Variants in AGTPBP1 observed in about 807,000 individuals in gnomAD.
AGTPBP1 encodes cytosolic carboxypeptidase 1.
AGTPBP1 carries 70 observed loss-of-function variants against 143.9 expected under a neutral mutation model. The ratio of observed to expected loss-of-function variants is 0.49; its 90% CI spans 0.40 to 0.59. The LOEUF (loss-of-function observed/expected upper bound fraction) is 0.59. Among genes scored for constraint, AGTPBP1 ranks in the 20% least tolerant of loss-of-function variants. AGTPBP1 has a pLI of 0.00. For synonymous variants in AGTPBP1, 463 were observed against 500.2 expected (o/e 0.93, Z 0.99); for missense variants, 1,229 against 1,464.5 (o/e 0.84, Z 2.62).
At chr9:85,601,714 T>G (rs1829684315) in intron 17 of AGTPBP1, among the ~76,000 whole-genome samples, 1 of 152,196 alleles carries the variant, frequency 6.6e-6, no homozygotes. Flanking sequence ...TGCCAGCATC[T>G]GAGAAAGTTG....
chr9:85,607,072 C>G (rs1283491001), intron 17 of AGTPBP1, among the ~76,000 whole-genome samples: 1 of 151,932 alleles, frequency 6.6e-6, no homozygotes, highest in East Asian at 1.9e-4. Context: ...TCCTAACATA[C>G]AGAAATGATA....
chr9:85,720,484 A>G (rs1838031174), intron 1 of AGTPBP1, among the ~76,000 whole-genome samples: 1 of 152,076 alleles, frequency 6.6e-6, no homozygotes, highest in African/African-American at 2.4e-5. Context: ...GGTAGCTTGT[A>G]TTTCTGTGGT....
intron 25 of AGTPBP1, among the ~76,000 whole-genome samples, chr9:85,562,409 A>G (rs975984419): frequency 2.6e-5 from 4 of 152,230 alleles, no homozygotes; most frequent in African/African-American, 9.6e-5. Flanking sequence ...GCTAAAAACA[A>G]ATACTAAACA....
At chr9:85,583,555 T>C (rs909298098) in intron 23 of AGTPBP1, among the ~76,000 whole-genome samples, 3 of 152,194 alleles carry the variant, frequency 2.0e-5, no homozygotes, top group Non-Finnish European at 2.9e-5. Flanking sequence ...TAAAGCATCA[T>C]CTTACATTTC....
intron 6 of AGTPBP1, among the ~76,000 whole-genome samples, chr9:85,672,923 C>T (rs1834581596): frequency 6.6e-6 from 1 of 151,672 alleles, no homozygotes; most frequent in South Asian, 2.1e-4. Flanking sequence ...TTAGTGGAGA[C>T]GGGCTTTCGC....
intron 2 of AGTPBP1, among the ~76,000 whole-genome samples, chr9:85,699,554 G>A (rs1480916605): frequency 6.6e-6 from 1 of 150,784 alleles, no homozygotes; most frequent in Non-Finnish European, 1.5e-5. Context: ...ATCAAATGCA[G>A]GCAATAAAGA....
chr9:85,570,039 CCT>C (rs1450725332), intron 25 of AGTPBP1, among the ~76,000 whole-genome samples: 1 of 152,110 alleles, frequency 6.6e-6, no homozygotes, highest in Non-Finnish European at 1.5e-5. Context: ...GACCAAGACC[CCT>C]CTGTTCATGC....
At chr9:85,737,599 A>G (rs962389839) in intron 1 of AGTPBP1, among the ~76,000 whole-genome samples, 1 of 152,246 alleles carries the variant, frequency 6.6e-6, no homozygotes, top group African/African-American at 2.4e-5. Context: ...TTAATATTGC[A>G]TGATGAAAGA....
At chr9:85,637,771 G>A (rs1012957522) in intron 13 of AGTPBP1, among the ~76,000 whole-genome samples, 2 of 152,186 alleles carry the variant, frequency 1.3e-5, no homozygotes, top group African/African-American at 4.8e-5. Flanking sequence ...GAACTTAAGT[G>A]AAACTTACTG....
chr9:85,744,848 C>T (rs181433523), upstream of AGTPBP1, among the ~76,000 whole-genome samples: 12 of 152,336 alleles, frequency 7.9e-5, no homozygotes, highest in Middle Eastern at 3.4e-3. Flanking sequence ...AGCTGGCTGA[C>T]GCCTTTCAAT....
At chr9:85,694,436 T>G (rs1836098719) in intron 2 of AGTPBP1, among the ~76,000 whole-genome samples, 1 of 152,186 alleles carries the variant, frequency 6.6e-6, no homozygotes, top group Non-Finnish European at 1.5e-5. Flanking sequence ...GACTGTTCAC[T>G]TTTCAAACCA....
At chr9:85,690,764 A>T (rs568463762) in intron 3 of AGTPBP1, among the ~76,000 whole-genome samples, 11 of 151,020 alleles carry the variant, frequency 7.3e-5, no homozygotes, top group Non-Finnish European at 1.0e-4. Context: ...CAGTGGTGGG[A>T]AGAGGGTCAT....
intron 2 of AGTPBP1, among the ~76,000 whole-genome samples, chr9:85,693,856 A>G (rs1259967472): frequency 6.6e-6 from 1 of 152,166 alleles, no homozygotes; most frequent in African/African-American, 2.4e-5. Context: ...CTGAGAAGGT[A>G]CCATTTAAGA....
the AGTPBP1 span, among the ~76,000 whole-genome samples, chr9:85,761,436 A>G: frequency 1.3e-5 from 2 of 152,198 alleles, no homozygotes; most frequent in South Asian, 2.1e-4. Context: ...ATATAGACCA[A>G]TGGAACAGAG....
rs1426081071 is a variant in AGTPBP1, at chr9:85,688,026, G to C, written c.157+4663C>G. 1.3e-4 allele frequency among the ~76,000 whole-genome samples: 18 copies of C among 142,328 alleles called. No homozygotes were observed. The Admixed American group carries it at 1.3e-3, about 10-fold the overall frequency. The allele number at this position is 142,328 out of a possible 152,430, so 93.4% of individuals were successfully genotyped here. A position where few individuals can be genotyped will look rare whatever the true frequency, so the allele number is the denominator to read the frequency against. ...AATCACTTGAACCCAGGAGGCAGAG[G>C]TTGCAGTGAGCCGAGATCACACCAT... On this transcript the variant is annotated intron_variant, in intron 3 of 25. Coordinates refer to ENST00000357081, the MANE Select transcript of AGTPBP1 (RefSeq NM_001330701.2).
intron 7 of AGTPBP1, among the ~76,000 whole-genome samples, chr9:85,670,986 A>G (rs969649418): frequency 2.0e-5 from 3 of 152,074 alleles, no homozygotes; most frequent in Non-Finnish European, 4.4e-5. Context: ...GTGTTGCCCA[A>G]GCTGGAATGC....
chr9:85,554,034 T>C (rs1280013190), intron 25 of AGTPBP1: 14 of 152,184 alleles, frequency 9.2e-5, no homozygotes, highest in Admixed American at 2.0e-4. Context: ...AAGACCACCA[T>C]AGGGTTAGTG....
chr9:85,766,430 C>A, the AGTPBP1 span, among the ~76,000 whole-genome samples: 1 of 152,100 alleles, frequency 6.6e-6, no homozygotes. Context: ...TTGAATAAGG[C>A]ACAGAGATGA....
At chr9:85,624,248 A>G (rs142968855) in intron 14 of AGTPBP1, among the ~76,000 whole-genome samples, 1 of 152,314 alleles carries the variant, frequency 6.6e-6, no homozygotes, top group Non-Finnish European at 1.5e-5. Context: ...TACAGAGAGT[A>G]TAACATATAT....
Sources: allele counts gnomAD v4.1 joint callset (sites outside exome capture counted in the v4.1 genomes callset), GRCh38; gene constraint gnomAD v4.1.1; transcripts MANE v1.5; gene names NCBI Gene and HGNC (gene_info 2026-07-23, HGNC 2026-07-21).